PCCA: variants seen among roughly 807,000 people sequenced by gnomAD.
PCCA encodes the protein propionyl-CoA carboxylase alpha chain, mitochondrial.
A neutral mutation model predicts 101.3 loss-of-function variants in PCCA; 74 were observed. The observed-to-expected ratio is 0.73, with a 90% CI of 0.61 to 0.89. The LOEUF is 0.89. Ranked by LOEUF, PCCA falls within the 40% of genes least tolerant of loss-of-function variation. The pLI is 0.00. For synonymous variants in PCCA, 294 were observed against 313.6 expected, an observed-to-expected ratio of 0.94 and a Z score of 0.66; for missense variants, 891 against 907.0, an observed-to-expected ratio of 0.98 and a Z score of 0.23.
At chr13:100,520,609 T>C (rs1301479992) in intron 22 of PCCA, among the ~76,000 whole-genome samples, 4 of 112,768 alleles carry the variant, frequency 3.5e-5, no homozygotes, top group Non-Finnish European at 4.9e-5. Flanking sequence ...CACTCCAGCC[T>C]GGGCGACAGA....
At chr13:100,166,361 C>G (rs899914211) in intron 6 of PCCA, among the ~76,000 whole-genome samples, 11 of 152,154 alleles carry the variant, frequency 7.2e-5, no homozygotes, top group Admixed American at 2.0e-4. Context: ...TTTGCCCAGG[C>G]TAGAGTGCAG....
At chr13:100,440,781 A>G (rs1431213962) in intron 20 of PCCA, among the ~76,000 whole-genome samples, 1 of 152,080 alleles carries the variant, frequency 6.6e-6, no homozygotes, top group Non-Finnish European at 1.5e-5. Context: ...TAGGATATAT[A>G]AATATATAAC....
chr13:100,462,730 T>G (rs1009728522), intron 21 of PCCA, among the ~76,000 whole-genome samples: 4 of 152,282 alleles, frequency 2.6e-5, no homozygotes, highest in African/African-American at 9.6e-5. Context: ...TTAATGGTAG[T>G]CATGAGAGTC....
intron 1 of PCCA, among the ~76,000 whole-genome samples, chr13:100,095,920 T>C (rs930949707): frequency 2.0e-5 from 3 of 151,962 alleles, no homozygotes; most frequent in African/African-American, 4.8e-5. Flanking sequence ...GGGAGTAGGA[T>C]TGGGGACTGG....
chr13:100,115,950 A>G (rs1016596501), intron 4 of PCCA, among the ~76,000 whole-genome samples: 4 of 152,212 alleles, frequency 2.6e-5, no homozygotes, highest in African/African-American at 9.6e-5. Flanking sequence ...ATTTCTAGAA[A>G]GATACTATAA....
chr13:100,516,991 G>A (rs1042812152), intron 22 of PCCA, among the ~76,000 whole-genome samples: 3 of 141,262 alleles, frequency 2.1e-5, no homozygotes, highest in Admixed American at 7.2e-5. Flanking sequence ...TATCTAGTCT[G>A]TATACTGCCA....
chr13:100,290,215 CT>C (rs1161964020), intron 12 of PCCA, among the ~76,000 whole-genome samples: 6 of 151,806 alleles, frequency 4.0e-5, no homozygotes, highest in African/African-American at 1.5e-4. Context: ...TTCTCTCTCT[CT>C]CTTTTTTTTT....
At chr13:100,152,891 T>G (rs1013890518) in intron 4 of PCCA, among the ~76,000 whole-genome samples, 2 of 152,228 alleles carry the variant, frequency 1.3e-5, no homozygotes, top group African/African-American at 4.8e-5. Flanking sequence ...TCAATACTAT[T>G]AGGATTCTCT....
intron 18 of PCCA, among the ~76,000 whole-genome samples, chr13:100,350,893 C>T (rs989641028): frequency 6.6e-6 from 1 of 152,174 alleles, no homozygotes; most frequent in Non-Finnish European, 1.5e-5. Context: ...TAACCTTTCC[C>T]AATTCATTTT....
At chr13:100,101,450 C>T (rs1358643314) in intron 1 of PCCA, among the ~76,000 whole-genome samples, 1 of 152,110 alleles carries the variant, frequency 6.6e-6, no homozygotes. Flanking sequence ...TAGTCTTGAT[C>T]TTTAATAGGG....
intron 21 of PCCA, among the ~76,000 whole-genome samples, chr13:100,508,166 C>T (rs778061888): frequency 1.4e-4 from 22 of 152,170 alleles, no homozygotes; most frequent in Non-Finnish European, 7.3e-5. Context: ...TACACACAGT[C>T]TTACCCATTC....
intron 21 of PCCA, among the ~76,000 whole-genome samples, chr13:100,470,665 A>T (rs2082934771): frequency 6.6e-6 from 1 of 152,082 alleles, no homozygotes; most frequent in African/African-American, 2.4e-5. Flanking sequence ...AAAAATAAAA[A>T]TAAAAAATAA....
intron 19 of PCCA, among the ~76,000 whole-genome samples, chr13:100,369,268 T>C (rs2075410743): frequency 6.6e-6 from 1 of 152,234 alleles, no homozygotes; most frequent in African/African-American, 2.4e-5. Context: ...ATGAATATTC[T>C]GTTTATCTAC....
At chr13:100,221,008 A>G (rs1439264033) in intron 7 of PCCA, among the ~76,000 whole-genome samples, 1 of 152,188 alleles carries the variant, frequency 6.6e-6, no homozygotes, top group Non-Finnish European at 1.5e-5. Flanking sequence ...GAAAATACTC[A>G]AGGTTCCCAG....
intron 20 of PCCA, among the ~76,000 whole-genome samples, chr13:100,441,948 T>G (rs762146730): frequency 6.6e-6 from 1 of 152,046 alleles, no homozygotes; most frequent in Non-Finnish European, 1.5e-5. Context: ...GAAATTTTAT[T>G]TCTGTTTTTC....
chr13:100,517,968 C>G (rs907993236), intron 22 of PCCA, among the ~76,000 whole-genome samples: 2 of 152,160 alleles, frequency 1.3e-5, no homozygotes, highest in Non-Finnish European at 2.9e-5. Context: ...CTACCTGTCA[C>G]GTTGAAATTT....
intron 12 of PCCA, among the ~76,000 whole-genome samples, chr13:100,282,032 A>G (rs776883389): frequency 2.3e-4 from 35 of 152,232 alleles, no homozygotes; most frequent in East Asian, 1.9e-4. Flanking sequence ...GATAGTGAAA[A>G]ATGGTATATT....
chr13:100,481,914 A>T (rs2083973215), intron 21 of PCCA, among the ~76,000 whole-genome samples: 1 of 152,214 alleles, frequency 6.6e-6, no homozygotes, highest in Admixed American at 6.5e-5. Flanking sequence ...GCTCAGGCAG[A>T]CCCTATCTAT....
intron 20 of PCCA, 61 bp downstream of exon 20, chr13:100,425,792 T>C (rs2079101643): frequency 1.1e-5 from 11 of 1,045,888 alleles, no homozygotes; most frequent in Non-Finnish European, 1.7e-5. Flanking sequence ...TGTCAGCACC[T>C]GTGTGGCTAA....
Sources: gnomAD v4.1 joint callset for allele counts (sites outside exome capture counted in the v4.1 genomes callset) on GRCh38, gnomAD v4.1.1 for gene constraint, MANE v1.5 for transcripts, NCBI Gene and HGNC (gene_info 2026-07-23, HGNC 2026-07-21) for gene names.